The following WDFY3 variants were observed in gnomAD, a reference collection of about 807,000 sequenced individuals.
The protein encoded by WDFY3 is WD repeat and FYVE domain containing 3.
A neutral mutation model predicts 409.6 loss-of-function variants in WDFY3; 66 were observed. The observed-to-expected ratio is 0.16, with a 90% CI of 0.13 to 0.20. The LOEUF (loss-of-function observed/expected upper bound fraction) is 0.20. WDFY3 is among the 10% of genes least tolerant of loss of function. The probability of loss-of-function intolerance (pLI) is 1.00; values close to 1 mark genes in which losing one functional copy is unlikely to be tolerated. For synonymous variants in WDFY3, 1,521 were observed against 1,537.1 expected, an observed-to-expected ratio of 0.99 and a Z score of 0.25; for missense variants, 3,031 against 4,298.1, an observed-to-expected ratio of 0.71 and a Z score of 8.24.
At chr4:84,833,418 G>A (rs1756050346) in intron 7 of WDFY3, among the ~76,000 whole-genome samples, 1 of 152,142 alleles carries the variant, frequency 6.6e-6, no homozygotes, top group Non-Finnish European at 1.5e-5. Flanking sequence ...GCTCATGCCT[G>A]TAATCCTAGC....
intron 30 of WDFY3, among the ~76,000 whole-genome samples, chr4:84,768,044 C>G (rs1050551127): frequency 1.3e-5 from 2 of 152,166 alleles, no homozygotes; most frequent in African/African-American, 4.8e-5. Flanking sequence ...GATTGTTCCA[C>G]TGCACTCCAG....
At chr4:84,863,082 C>T (rs994266439) in intron 3 of WDFY3, among the ~76,000 whole-genome samples, 4 of 152,200 alleles carry the variant, frequency 2.6e-5, no homozygotes, top group Non-Finnish European at 4.4e-5. Context: ...GTGTGCTGCA[C>T]ACGCACACAT....
At position 84,794,943 on chromosome 4, in the gene WDFY3, A is replaced by G; in HGVS notation, c.3204T>C (p.Ala1068=). 6.3e-7 allele frequency: 1 copy of G among 1,575,088 alleles called. No homozygotes were observed. The highest frequency in any genetic ancestry group is 8.6e-7 in the Non-Finnish European group (1 of 1,164,762). The part of the protein sequence containing the change: ...LFLPSLAPHN[A]PTNNTVTTGL... Reference sequence around the variant, plus strand: ...CTGTTGTGACGGTATTATTTGTAGGAGCATTATGAGGGGCCAAACTGGGCA... The same window carrying G: ...CTGTTGTGACGGTATTATTTGTAGGGGCATTATGAGGGGCCAAACTGGGCA... Residue 1068 remains alanine, a synonymous_variant, in exon 20 of 68, where the codon GCT becomes GCC. Coordinates refer to ENST00000295888, the MANE Select transcript of WDFY3 (RefSeq NM_014991.6).
rs1743548636 is a variant in WDFY3, at chr4:84,765,911, C to T, written c.5087G>A (p.Ser1696Asn). ...AAACTTGATGAGAATAGACTGATTA[C>T]TTAGTAGGACAACAAGAATCCTCAT... ...AAMRILVVLL[S>N]NQSILIKFKE... The change falls in exon 32 of 68, where the codon AGT (serine) becomes AAT (asparagine). Residue 1696 changes from serine (S) to asparagine (N), a missense_variant. This residue lies in a region of WDFY3 where 342 missense variants were observed against 463.7 expected (regional missense o/e 0.74). Coordinates refer to ENST00000295888, the MANE Select transcript of WDFY3 (RefSeq NM_014991.6). 6.2e-7 allele frequency: 1 copy of T among 1,613,882 alleles called. No homozygotes were observed. The highest frequency in any genetic ancestry group is 8.5e-7 in the Non-Finnish European group (1 of 1,179,934).
intron 2 of WDFY3, among the ~76,000 whole-genome samples, chr4:84,928,721 A>G (rs897719508): frequency 6.6e-6 from 1 of 152,212 alleles, no homozygotes; most frequent in African/African-American, 2.4e-5. Flanking sequence ...ACAAGTTGAT[A>G]AAATTAAGGT....
chr4:84,764,848 G>C (rs1223160834), intron 32 of WDFY3, among the ~76,000 whole-genome samples: 2 of 148,212 alleles, frequency 1.3e-5, no homozygotes, highest in Admixed American at 6.8e-5. Flanking sequence ...CTGGGCGACA[G>C]AGCTAGACTC....
intron 9 of WDFY3, among the ~76,000 whole-genome samples, chr4:84,827,187 A>T (rs1324092068): frequency 6.9e-6 from 1 of 144,194 alleles, no homozygotes; most frequent in Non-Finnish European, 1.5e-5. Flanking sequence ...AATACCCTTT[A>T]AAAAAAAAAA....
At chr4:84,682,924 G>C (rs1317585783) in intron 63 of WDFY3, 10 of 158,048 alleles carry the variant, frequency 6.3e-5, no homozygotes, top group Non-Finnish European at 1.4e-4. Flanking sequence ...AGAGGTTTCA[G>C]TAAGCCGAGA....
chr4:84,781,996 T>C (rs1364578230), intron 25 of WDFY3, among the ~76,000 whole-genome samples: 1 of 152,246 alleles, frequency 6.6e-6, no homozygotes, highest in African/African-American at 2.4e-5. Context: ...TATTATATAC[T>C]GATTTACACA....
chr4:84,787,882 A>C (rs979129864), intron 22 of WDFY3, among the ~76,000 whole-genome samples, 169 bp from the exon 23 acceptor site: 1 of 152,202 alleles, frequency 6.6e-6, no homozygotes, highest in African/African-American at 2.4e-5. Flanking sequence ...GGGATCTGTA[A>C]CTGAGGACCA....
rs535487453 is a variant in WDFY3, at chr4:84,740,400, T to G, written c.6251A>C (p.Gln2084Pro). Residue 2084 changes from glutamine to proline, a missense_variant, in exon 39 of 68, where the codon CAG becomes CCG. By Grantham distance (76) the Gln-to-Pro change is moderately conservative. Around this residue, in one of 16 missense-constraint regions of WDFY3, gnomAD observed 314 missense variants for 397.4 expected, o/e 0.79. Transcript: ENST00000295888. ...QLIAQSKRRS[Q>P]GLSLDAVYHC... ...ATACACTGCATCCAGTGACAATCCC[T>G]GTGATCTTCTCTTTGACTAAAGACA... The G allele has an allele frequency of 6.2e-7, 1 of 1,614,178 alleles. No individual in the cohort carries two copies. The highest frequency in any genetic ancestry group is 8.5e-7 in the Non-Finnish European group (1 of 1,180,010).
At chr4:84,810,367 C>T in intron 13 of WDFY3, 23 bp from the exon 14 acceptor site, 2 of 900,966 alleles carry the variant, frequency 2.2e-6, no homozygotes, top group South Asian at 2.0e-5. Flanking sequence ...AAAGAAAAAA[C>T]AAATGAAAAT....
intron 2 of WDFY3, among the ~76,000 whole-genome samples, chr4:84,928,632 T>C (rs1043217446): frequency 4.6e-5 from 7 of 152,170 alleles, no homozygotes; most frequent in Non-Finnish European, 7.4e-5. Flanking sequence ...CTTGGCCAGT[T>C]TGGTGTATTA....
chr4:84,739,024 T>C lies in WDFY3; in HGVS notation c.6560A>G (p.Gln2187Arg). ...AAGGCAATTACCTTCACTAATATCT[T>C]GGCTGTAACTACCATCTGGTTCAAT... ...SDIEPDGSYS[Q>R]DISEGRQLLI... Residue 2187 changes from glutamine (Q) to arginine (R), a missense_variant, in exon 40 of 68, where the codon CAA (glutamine) becomes CGA (arginine). Around this residue, in one of 16 missense-constraint regions of WDFY3, gnomAD observed 314 missense variants for 397.4 expected, o/e 0.79. Transcript: ENST00000295888. 6.2e-7 allele frequency: 1 copy of C among 1,614,122 alleles called. No homozygotes were observed. Among genetic ancestry groups the C allele is most frequent in the South Asian group, 1.1e-5 (1 of 91,088 alleles).
At chr4:84,813,159 A>G (rs1260788631) in intron 13 of WDFY3, among the ~76,000 whole-genome samples, 2 of 152,150 alleles carry the variant, frequency 1.3e-5, no homozygotes, top group Non-Finnish European at 2.9e-5. Context: ...GGTCTGTGGT[A>G]TATGTCAGTT....
At chr4:84,678,378 C>T in intron 65 of WDFY3, 99 bp from the exon 66 acceptor site, 1 of 797,766 alleles carries the variant, frequency 1.3e-6, no homozygotes, top group South Asian at 1.6e-5. Flanking sequence ...TAGGGTACCT[C>T]AACATACAGC....
At chr4:84,772,135 T>C (rs1031923394) in intron 30 of WDFY3, among the ~76,000 whole-genome samples, 1 of 152,152 alleles carries the variant, frequency 6.6e-6, no homozygotes, top group Non-Finnish European at 1.5e-5. Context: ...GGGAATAATA[T>C]AATAGGGTAA....
At position 84,688,231 on chromosome 4, in the gene WDFY3, G is replaced by A; in HGVS notation, c.9398C>T (p.Ala3133Val). The change falls in exon 62 of 68, where the codon GCC (alanine) becomes GTC (valine). Residue 3133 changes from alanine to valine, a missense_variant. Physicochemically the swap from Ala to Val is moderately conservative, Grantham distance 64. Transcript: ENST00000295888. Reference protein sequence around the residue: ...LLGHTDTVTCATASLAYHIIV... With the variant: ...LLGHTDTVTCVTASLAYHIIV... ...TATGTGATAGGCTAATGATGCTGTG[G>A]CGCAGGTGACGGTATCAGTGTGGCC... 6.2e-7 allele frequency: 1 copy of A among 1,614,154 alleles called. No individual in the cohort carries two copies. The highest frequency in any genetic ancestry group is 2.2e-5 in the East Asian group (1 of 44,876).
rs530067529 is a variant in WDFY3 at position 84,878,099 on chromosome 4, A to G, written c.-31-17477T>C. Among the ~76,000 whole-genome samples the G allele has an allele frequency of 3.3e-5, 5 of 152,352 alleles. No homozygotes were observed. In the South Asian group the frequency reaches 1.0e-3, roughly 32 times the overall value. On this transcript the variant is annotated intron_variant, in intron 3 of 67. Transcript: ENST00000295888. ...ATAATGTACTTTTTAAAACATGTTC[A>G]GTTAAAACTGATATAAATTCAGAAA...
Sources: allele counts gnomAD v4.1 joint callset (sites outside exome capture counted in the v4.1 genomes callset), GRCh38; gene constraint gnomAD v4.1.1; regional missense constraint gnomAD v4.1.1; transcripts MANE v1.5; gene names NCBI Gene and HGNC (gene_info 2026-07-23, HGNC 2026-07-21).